Variants in LAMB1 observed in about 807,000 individuals in gnomAD.
LAMB1 encodes laminin subunit beta 1.
A neutral mutation model predicts 222.3 loss-of-function variants in LAMB1; 121 were observed. The observed-to-expected ratio is 0.54, with a 90% CI of 0.47 to 0.63. The LOEUF is 0.63. Among genes scored for constraint, LAMB1 ranks in the 30% least tolerant of loss-of-function variants. The pLI is 0.00. For missense variants in LAMB1, 2,172 were observed against 2,240.8 expected, an observed-to-expected ratio of 0.97 and a Z score of 0.62; for synonymous variants, 794 against 807.2, an observed-to-expected ratio of 0.98 and a Z score of 0.28.
At chr7:107,948,141 C>T (rs1389164259) in intron 24 of LAMB1, among the ~76,000 whole-genome samples, 2 of 152,038 alleles carry the variant, frequency 1.3e-5, no homozygotes, top group African/African-American at 4.8e-5. Flanking sequence ...TGTGCGCCAT[C>T]TCACCTGATT....
At chr7:107,974,838 G>A in intron 12 of LAMB1, 148 bp downstream of exon 12, 2 of 554,744 alleles carry the variant, frequency 3.6e-6, no homozygotes, top group South Asian at 5.5e-5. Context: ...TCATCCATTA[G>A]TAATTCCTAT....
Position 107,940,200 on chromosome 7 carries a change from C to T in LAMB1, c.3550G>A (p.Ala1184Thr). 2 of 1,614,190 alleles carry T rather than the reference C, an allele frequency of 1.2e-6. No homozygotes were observed. Among genetic ancestry groups the T allele is most frequent in the Non-Finnish European group, 1.7e-6 (2 of 1,180,038 alleles). Residue 1184 changes from alanine to threonine, a missense_variant, in exon 25 of 34, where the codon GCT becomes ACT. Ala to Thr is a moderately conservative substitution (Grantham distance 58). Transcript: ENST00000222399. ...TCGGCAATGATCACATCCCAGAGAG[C>T]AAAGCACTGGTGGCAGGGTGTGCAG... ...PDCTPCHQCFALWDVIIAELT... is the reference protein window; with the variant it reads ...PDCTPCHQCFTLWDVIIAELT...
chr7:107,929,136 G>C lies in LAMB1; in HGVS notation c.4815C>G (p.Ala1605=), dbSNP rs766113694. ...VKEALEEAEK[A]QVAAEKAIKQ... is the part of the protein sequence containing the mutation. ...TAATTGCCTTCTCTGCTGCGACCTG[G>C]GCCTTTTCTGCTTCTTCCAGAGCTT... The change falls in exon 31 of 34, where the codon GCC becomes GCG. Residue 1605 remains alanine, a synonymous_variant. Transcript: ENST00000222399. The C allele has an allele frequency of 6.2e-7, 1 of 1,613,852 alleles. No individual in the cohort carries two copies. The highest frequency in any genetic ancestry group is 1.7e-5 in the Admixed American group (1 of 59,984).
intron 14 of LAMB1, among the ~76,000 whole-genome samples, chr7:107,963,684 T>C (rs1403469068): frequency 6.6e-6 from 1 of 152,242 alleles, no homozygotes; most frequent in Non-Finnish European, 1.5e-5. Context: ...TGTTATCCTT[T>C]CCATGAATCC....
At position 107,975,407 on chromosome 7, in the gene LAMB1, G is replaced by A. The variant is rs373593074; in HGVS notation, c.1196C>T (p.Thr399Met). ...ATTTTGAGAGCCAGCTGGGTCACACGTACATCCTGAGAAGAATGCAAAGCA... is the reference window on the plus strand; with the variant it reads ...ATTTTGAGAGCCAGCTGGGTCACACATACATCCTGAGAAGAATGCAAAGCA... The part of the protein sequence containing the change: ...IRDPNFCERC[T>M]CDPAGSQNEG... The change falls in exon 11 of 34, where the codon ACG (threonine) becomes ATG (methionine). Residue 399 changes from threonine (T) to methionine (M), a missense_variant. Coordinates refer to ENST00000222399, the MANE Select transcript of LAMB1 (RefSeq NM_002291.3). 1.2e-5 allele frequency: 20 copies of A among 1,609,192 alleles called. No homozygotes were observed. The highest frequency in any genetic ancestry group is 4.4e-5 in the South Asian group (4 of 89,928).
chr7:107,940,285 C>G lies in LAMB1; in HGVS notation c.3465G>C (p.Glu1155Asp), dbSNP rs753605403. Residue 1155 changes from glutamate (E) to aspartate (D), a missense_variant, in exon 25 of 34, where the codon GAG becomes GAC. Coordinates refer to ENST00000222399, the MANE Select transcript of LAMB1 (RefSeq NM_002291.3). ...TGTCACAGCGTGGACCCTCAACACC[C>G]TCAACGCAGACACACTGGCCCGTGG... ...DQSTGQCVCV[E>D]GVEGPRCDKC... 3.1e-6 allele frequency: 5 copies of G among 1,614,078 alleles called. No individual in the cohort carries two copies. The African/African-American group carries it at 4.0e-5, about 13-fold the overall frequency.
chr7:107,927,596 GCA>G (rs1161421040), intron 31 of LAMB1, among the ~76,000 whole-genome samples: 1 of 152,072 alleles, frequency 6.6e-6, no homozygotes, highest in East Asian at 1.9e-4. Flanking sequence ...GGGACTACAG[GCA>G]CACACTGCTG....
intron 13 of LAMB1, among the ~76,000 whole-genome samples, chr7:107,968,637 T>C (rs895845565): frequency 1.3e-5 from 2 of 152,008 alleles, no homozygotes; most frequent in Non-Finnish European, 2.9e-5. Flanking sequence ...CCTTTGAAGA[T>C]GGAGAGAGGG....
chr7:107,991,818 G>A (rs937177562), intron 5 of LAMB1, among the ~76,000 whole-genome samples: 5 of 139,686 alleles, frequency 3.6e-5, no homozygotes, highest in Non-Finnish European at 7.5e-5. Context: ...TAAGGCAGAA[G>A]AATCGCTTGA....
At chr7:107,983,089 A>C (rs888858119) in intron 7 of LAMB1, among the ~76,000 whole-genome samples, 2 of 152,232 alleles carry the variant, frequency 1.3e-5, no homozygotes, top group African/African-American at 4.8e-5. Context: ...GCTCACTCAG[A>C]AATTGGCACA....
chr7:107,975,906 G>A, intron 9 of LAMB1, 29 bp from the exon 10 acceptor site: 1 of 1,601,392 alleles, frequency 6.2e-7, no homozygotes, highest in Non-Finnish European at 8.5e-7. Context: ...GTCAAGAAAA[G>A]CTTTTTAAAT....
chr7:107,936,975 A>C, intron 26 of LAMB1, 118 bp downstream of exon 26: 1 of 819,208 alleles, frequency 1.2e-6, no homozygotes, highest in Non-Finnish European at 1.9e-6. Flanking sequence ...AAACTGGATG[A>C]GCAAAAGTTT....
chr7:107,961,089 A>C (rs1268820411), intron 17 of LAMB1, 117 bp downstream of exon 17: 3 of 1,174,124 alleles, frequency 2.6e-6, no homozygotes, highest in Admixed American at 2.3e-5. Context: ...GGAGGCAAGA[A>C]AGAATGATTC....
chr7:107,939,422 A>T (rs1341525020), intron 25 of LAMB1, among the ~76,000 whole-genome samples: 2 of 152,156 alleles, frequency 1.3e-5, no homozygotes, highest in Non-Finnish European at 2.9e-5. Context: ...CTGGTGGACT[A>T]ATGGCGGAGA....
Position 107,959,450 on chromosome 7 carries a change from T to C in LAMB1, c.2489A>G (p.Asn830Ser), listed in dbSNP as rs758125105. ...GCCAGTGACGGGATTGCAGAAGGCA[T>C]TGACAGATCCTTGCAGATGGCACTC... ...PCECHLQGSV[N>S]AFCNPVTGQC... The change falls in exon 20 of 34, where the codon AAT (asparagine) becomes AGT (serine). Residue 830 changes from asparagine to serine, a missense_variant. Physicochemically the swap from Asn to Ser is conservative, Grantham distance 46. Transcript: ENST00000222399. 2.1e-5 allele frequency: 34 copies of C among 1,614,130 alleles called. No homozygotes were observed. Among genetic ancestry groups the C allele is most frequent in the South Asian group, 1.8e-4 (16 of 91,084 alleles).
chr7:107,960,723 T>C (rs1283668593), intron 17 of LAMB1, 74 bp from the exon 18 acceptor site: 5 of 1,250,830 alleles, frequency 4.0e-6, no homozygotes, highest in Non-Finnish European at 5.8e-6. Context: ...AGCAAACGTG[T>C]AGAAAACCCA....
chr7:107,960,326 A>T, intron 18 of LAMB1, 119 bp downstream of exon 18: 2 of 671,530 alleles, frequency 3.0e-6, no homozygotes, highest in Non-Finnish European at 5.2e-6. Flanking sequence ...TAACTGAGAC[A>T]CTATTTCCCT....
chr7:107,964,100 A>G (rs2033573683), intron 14 of LAMB1, among the ~76,000 whole-genome samples: 1 of 152,218 alleles, frequency 6.6e-6, no homozygotes, highest in Admixed American at 6.5e-5. Context: ...TCAGTCTCGA[A>G]AAAAAGAAAA....
At position 107,964,608 on chromosome 7, in the gene LAMB1, A is replaced by C; in HGVS notation, c.1642T>G (p.Tyr548Asp). The C allele has an allele frequency of 6.2e-7, 1 of 1,614,182 alleles. No individual in the cohort carries two copies. Among genetic ancestry groups the C allele is most frequent in the Non-Finnish European group, 8.5e-7 (1 of 1,180,030 alleles). ...RQCNEVEPGY[Y>D]FATLDHYLYE... is the part of the protein sequence containing the mutation. ...AGGTAGTGATCCAGGGTGGCAAAGTAGTAACCAGGTTCCACTTCGTTGCAC... is the reference window on the plus strand; with the variant it reads ...AGGTAGTGATCCAGGGTGGCAAAGTCGTAACCAGGTTCCACTTCGTTGCAC... The change falls in exon 14 of 34, where the codon TAC becomes GAC. Residue 548 changes from tyrosine (Y) to aspartate (D), a missense_variant. Coordinates refer to ENST00000222399, the MANE Select transcript of LAMB1 (RefSeq NM_002291.3).
Sources: allele counts gnomAD v4.1 joint callset (sites outside exome capture counted in the v4.1 genomes callset), GRCh38; gene constraint gnomAD v4.1.1; transcripts MANE v1.5; gene names NCBI Gene and HGNC (gene_info 2026-07-23, HGNC 2026-07-21).